TLK1: variants seen among roughly 807,000 people sequenced by gnomAD.
TLK1 encodes serine/threonine-protein kinase tousled-like 1.
A neutral mutation model predicts 105.3 loss-of-function variants in TLK1; 24 were observed. That is an observed-to-expected ratio of 0.23 (90% CI 0.17 to 0.32). The LOEUF (loss-of-function observed/expected upper bound fraction) is 0.32, where lower values mean the gene tolerates loss of function less well. Ranked by LOEUF, TLK1 falls within the 10% of genes least tolerant of loss-of-function variation. The pLI is 1.00. For synonymous variants in TLK1, 321 were observed against 310.4 expected (o/e 1.03, Z -0.36); for missense variants, 558 against 910.5 (o/e 0.61, Z 4.98).
intron 16 of TLK1, 47 bp downstream of exon 16, chr2:171,006,753 A>G: frequency 6.3e-7 from 1 of 1,586,438 alleles, no homozygotes; most frequent in South Asian, 1.1e-5. Flanking sequence ...GGGAAAGAGA[A>G]AGCAAGCATA....
At chr2:171,193,433 G>A (rs1693194990) in intron 1 of TLK1, among the ~76,000 whole-genome samples, 1 of 139,926 alleles carries the variant, frequency 7.1e-6, no homozygotes, top group Non-Finnish European at 1.5e-5. Context: ...GTCCCGTTCT[G>A]TAGCCCAGGC....
chr2:171,199,809 T>C (rs1693364174), intron 1 of TLK1, among the ~76,000 whole-genome samples: 1 of 152,188 alleles, frequency 6.6e-6, no homozygotes, highest in East Asian at 1.9e-4. Context: ...TCAAGGAATA[T>C]AATGTTTGAT....
chr2:171,085,929 G>C (rs1490215134), intron 2 of TLK1, among the ~76,000 whole-genome samples: 1 of 152,142 alleles, frequency 6.6e-6, no homozygotes, highest in Admixed American at 6.5e-5. Flanking sequence ...CAAAATAATT[G>C]TTTTCAGTAC....
intron 1 of TLK1, among the ~76,000 whole-genome samples, chr2:171,202,530 G>A (rs974370676): frequency 5.3e-5 from 8 of 151,952 alleles, no homozygotes; most frequent in East Asian, 1.9e-4. Flanking sequence ...AGGCTGAGGC[G>A]GGCAGAACAC....
chr2:171,149,278 T>C (rs548327002), intron 1 of TLK1, among the ~76,000 whole-genome samples: 19 of 152,016 alleles, frequency 1.2e-4, no homozygotes, highest in African/African-American at 3.9e-4. Context: ...TAATCCATAG[T>C]GACTTGTTAA....
Position 171,160,525 on chromosome 2 carries a change from G to A in TLK1, c.-97C>T. 1.3e-6 allele frequency: 2 copies of A among 1,555,968 alleles called. No individual in the cohort carries two copies. Among genetic ancestry groups the A allele is most frequent in the Non-Finnish European group, 1.7e-6 (2 of 1,158,510 alleles). On this transcript the variant is annotated 5_prime_UTR_variant, in exon 1 of 21. Coordinates refer to ENST00000431350, the MANE Select transcript of TLK1 (RefSeq NM_012290.5). This position sits in a 1 kb window ranked among gnomAD's most constrained non-coding sequence, Gnocchi z 4.4. Reference sequence around the variant, plus strand: ...CGTCATGGCGGGGGCCGCGCTGAGGGCGAGCGAGAGAGCGAGGGCTGGGAG... The same window carrying A: ...CGTCATGGCGGGGGCCGCGCTGAGGACGAGCGAGAGAGCGAGGGCTGGGAG...
At chr2:171,193,399 C>G (rs1575653634) in intron 1 of TLK1, among the ~76,000 whole-genome samples, 1 of 144,856 alleles carries the variant, frequency 6.9e-6, no homozygotes, top group Non-Finnish European at 1.5e-5. Flanking sequence ...CTTAGTTTTT[C>G]GTTTTTTTTT....
chr2:171,157,755 A>G (rs762564354), intron 1 of TLK1, among the ~76,000 whole-genome samples: 2 of 152,232 alleles, frequency 1.3e-5, no homozygotes, highest in African/African-American at 4.8e-5. Flanking sequence ...TTTTAAAAAT[A>G]ACCCATTTTC....
At chr2:171,135,847 AATAAG>A (rs374745130) in intron 1 of TLK1, among the ~76,000 whole-genome samples, 2 of 152,164 alleles carry the variant, frequency 1.3e-5, no homozygotes, top group African/African-American at 4.8e-5. Context: ...AAAAAAATAC[AATAAG>A]ATATCACCTC....
rs367836334 is a variant in TLK1, at chr2:170,993,806, G to T, written c.2275C>A (p.Pro759Thr). 1.1e-5 allele frequency: 17 copies of T among 1,600,828 alleles called. No homozygotes were observed. The Admixed American group carries it at 1.4e-4, about 13-fold the overall frequency. The change falls in exon 21 of 21, where the codon CCT (proline) becomes ACT (threonine). Residue 759 changes from proline to threonine, a missense_variant. Around this residue, in one of 5 missense-constraint regions of TLK1, gnomAD observed 27 missense variants for 22.5 expected, o/e 1.20. Transcript: ENST00000431350. ...MAGLTASPTP[P>T]SSSIITY The stretch of plus-strand genomic sequence containing the variant: ...CAGTAAGTAATTATGCTTGAAGAAG[G>T]GGGTGTAGGGGATGCTGTCAGCCCA...
intron 12 of TLK1, among the ~76,000 whole-genome samples, chr2:171,023,438 C>T (rs936012212): frequency 6.6e-6 from 1 of 151,324 alleles, no homozygotes; most frequent in African/African-American, 2.4e-5. Flanking sequence ...CACACACACA[C>T]CAAAACACAC....
intron 11 of TLK1, among the ~76,000 whole-genome samples, chr2:171,040,568 G>GTTTTTTTTTT: frequency 9.6e-6 from 1 of 104,290 alleles, no homozygotes; most frequent in African/African-American, 3.3e-5. Context: ...TTCCTTTTTT[G>GTTTTTTTTTT]TTTTTTTTTT....
chr2:171,067,863 C>T (rs1236671266), intron 3 of TLK1, among the ~76,000 whole-genome samples: 1 of 152,058 alleles, frequency 6.6e-6, no homozygotes, highest in Non-Finnish European at 1.5e-5. Flanking sequence ...AGAGTAAGAA[C>T]ATATGGTGTT....
chr2:171,158,906 C>T (rs1406980139), intron 1 of TLK1, among the ~76,000 whole-genome samples: 1 of 152,184 alleles, frequency 6.6e-6, no homozygotes, highest in South Asian at 2.1e-4. Flanking sequence ...CAATGTATTC[C>T]GCATGTTTAA....
chr2:171,056,177 A>C (rs1410072298), intron 6 of TLK1, among the ~76,000 whole-genome samples: 1 of 152,058 alleles, frequency 6.6e-6, no homozygotes, highest in Admixed American at 6.5e-5. Flanking sequence ...AGACTGATAC[A>C]AGAGTACTCA....
chr2:171,034,383 C>T (rs2105402795), intron 11 of TLK1, among the ~76,000 whole-genome samples: 1 of 152,246 alleles, frequency 6.6e-6, no homozygotes, highest in East Asian at 1.9e-4. Flanking sequence ...TGTGCATAAT[C>T]ACACAATGAA....
At chr2:171,020,398 G>C (rs1685436036) in intron 12 of TLK1, among the ~76,000 whole-genome samples, 1 of 151,796 alleles carries the variant, frequency 6.6e-6, no homozygotes, top group South Asian at 2.1e-4. Flanking sequence ...AAATTAGCCG[G>C]GCATGGTGGC....
chr2:171,188,007 G>A (rs527974655), intron 1 of TLK1, among the ~76,000 whole-genome samples: 1 of 152,276 alleles, frequency 6.6e-6, no homozygotes, highest in African/African-American at 2.4e-5. Flanking sequence ...AGTCATGGGA[G>A]GGGCAAGGAG....
At chr2:171,011,321 C>A in intron 14 of TLK1, 52 bp downstream of exon 14, 2 of 1,497,062 alleles carry the variant, frequency 1.3e-6, no homozygotes, top group South Asian at 1.2e-5. Flanking sequence ...ACCACATACT[C>A]CTATATCCTT....
Sources: allele counts gnomAD v4.1 joint callset (sites outside exome capture counted in the v4.1 genomes callset), GRCh38; gene constraint gnomAD v4.1.1; regional missense constraint gnomAD v4.1.1; non-coding constraint Gnocchi (gnomAD v3.1); transcripts MANE v1.5; gene names NCBI Gene and HGNC (gene_info 2026-07-23, HGNC 2026-07-21).